The following COG6 variants were observed in gnomAD, a reference collection of about 807,000 sequenced individuals.
COG6 encodes the protein component of oligomeric golgi complex 6.
COG6 carries 74 observed loss-of-function variants against 88.8 expected under a neutral mutation model. The observed-to-expected ratio is 0.83, with a 90% CI of 0.69 to 1.01. COG6 has a LOEUF of 1.01. Among genes scored for constraint, COG6 ranks in the 50% least tolerant of loss-of-function variants. COG6 has a pLI of 0.00. For missense variants in COG6, 800 were observed against 797.9 expected (o/e 1.00, Z -0.03); for synonymous variants, 286 against 278.7 (o/e 1.03, Z -0.26).
At chr13:39,676,806 A>G (rs1016024064) in intron 4 of COG6, among the ~76,000 whole-genome samples, 1 of 152,126 alleles carries the variant, frequency 6.6e-6, no homozygotes, top group Non-Finnish European at 1.5e-5. Flanking sequence ...TTGTGTTCCT[A>G]ACTTGCCTGT....
intron 18 of COG6, among the ~76,000 whole-genome samples, chr13:39,779,390 G>A (rs1881561537): frequency 6.6e-6 from 1 of 152,202 alleles, no homozygotes. Flanking sequence ...AAGCAACGGT[G>A]TTATCTCCAC....
At chr13:39,750,757 A>G (rs1459552534) in intron 18 of COG6, among the ~76,000 whole-genome samples, 189 bp from the exon 19 acceptor site, 2 of 152,326 alleles carry the variant, frequency 1.3e-5, no homozygotes, top group South Asian at 2.1e-4. Context: ...TTAATAAATA[A>G]TGAATACAAA....
intron 13 of COG6, among the ~76,000 whole-genome samples, chr13:39,715,687 G>A (rs528085881): frequency 2.0e-5 from 3 of 152,004 alleles, no homozygotes; most frequent in African/African-American, 7.2e-5. Context: ...TCTATTAAAT[G>A]TATATTTATT....
chr13:39,782,918 C>T (rs1329126744), intron 18 of COG6, among the ~76,000 whole-genome samples: 4 of 152,116 alleles, frequency 2.6e-5, no homozygotes, highest in Non-Finnish European at 5.9e-5. Flanking sequence ...GAGGGAGCTT[C>T]TAGGGTGCTG....
intron 8 of COG6, among the ~76,000 whole-genome samples, chr13:39,686,605 G>C (rs1876653342): frequency 6.6e-6 from 1 of 152,182 alleles, no homozygotes; most frequent in Non-Finnish European, 1.5e-5. Flanking sequence ...TAATATTGGA[G>C]TCAAAATAAG....
At chr13:39,708,540 A>G (rs903133590) in intron 13 of COG6, among the ~76,000 whole-genome samples, 4 of 152,168 alleles carry the variant, frequency 2.6e-5, no homozygotes, top group African/African-American at 9.6e-5. Flanking sequence ...CCTTCAATCC[A>G]TCTCAAATTT....
chr13:39,752,670 C>A (rs1336116536), downstream of COG6: 5 of 1,197,118 alleles, frequency 4.2e-6, no homozygotes, highest in Non-Finnish European at 4.2e-6. Context: ...AGATATATAT[C>A]CTATTGATGT....
At chr13:39,749,091 A>G (rs1002804923) in intron 18 of COG6, among the ~76,000 whole-genome samples, 1 of 152,156 alleles carries the variant, frequency 6.6e-6, no homozygotes, top group African/African-American at 2.4e-5. Flanking sequence ...TATTACTGCT[A>G]TAACTATTAC....
intron 18 of COG6, among the ~76,000 whole-genome samples, chr13:39,780,844 C>T (rs1032786495): frequency 1.3e-5 from 2 of 152,230 alleles, no homozygotes; most frequent in East Asian, 1.9e-4. Context: ...AAAATCTGCA[C>T]GAGGAAAGGC....
At chr13:39,762,045 G>A (rs1202901547) in intron 18 of COG6, among the ~76,000 whole-genome samples, 2 of 151,760 alleles carry the variant, frequency 1.3e-5, no homozygotes, top group Non-Finnish European at 3.0e-5. Context: ...ATATGTTGAA[G>A]AGACATTTTA....
At chr13:39,670,501 T>C (rs1169237235) in intron 4 of COG6, among the ~76,000 whole-genome samples, 1 of 152,060 alleles carries the variant, frequency 6.6e-6, no homozygotes, top group Non-Finnish European at 1.5e-5. Flanking sequence ...TTTGATTTTG[T>C]ACAGTTATTT....
chr13:39,739,126 A>G (rs1368962627), intron 18 of COG6, among the ~76,000 whole-genome samples: 3 of 152,150 alleles, frequency 2.0e-5, no homozygotes, highest in Non-Finnish European at 4.4e-5. Context: ...AGAATGAGCA[A>G]AAAAGGAAAT....
At chr13:39,664,286 T>A (rs1875103747) in intron 3 of COG6, among the ~76,000 whole-genome samples, 1 of 152,252 alleles carries the variant, frequency 6.6e-6, no homozygotes, top group African/African-American at 2.4e-5. Flanking sequence ...TCCACTTTAC[T>A]AATGACTTAA....
chr13:39,678,216 C>G (rs1220667135), intron 5 of COG6: 2 of 333,134 alleles, frequency 6.0e-6, no homozygotes, highest in Non-Finnish European at 1.1e-5. Context: ...TCCAGGCATG[C>G]ACCACCACTC....
At chr13:39,727,932 C>A (rs1879225669) in intron 18 of COG6, among the ~76,000 whole-genome samples, 1 of 152,014 alleles carries the variant, frequency 6.6e-6, no homozygotes, top group African/African-American at 2.4e-5. Flanking sequence ...TATTTTGAAT[C>A]TAAGGTAGTG....
intron 18 of COG6, among the ~76,000 whole-genome samples, chr13:39,773,115 A>G (rs1042853150): frequency 6.6e-6 from 1 of 151,484 alleles, no homozygotes; most frequent in African/African-American, 2.4e-5. Context: ...ATCCACCCCC[A>G]CTCCTCTTAC....
chr13:39,699,411 A>G lies in COG6; in HGVS notation c.1167-90A>G. 6 of 664,712 alleles carry G rather than the reference A, an allele frequency of 9.0e-6. No homozygotes were observed. The South Asian group carries it at 1.1e-4, about 12-fold the overall frequency. The allele number at this position is 664,712 out of a possible 1,614,324, so 41.2% of individuals were successfully genotyped here. ...TATTTTACATAAAAACTTTTATTTAAATCTAGATCCTTTTAAAGCATTCTA... is the reference window on the plus strand; with the variant it reads ...TATTTTACATAAAAACTTTTATTTAGATCTAGATCCTTTTAAAGCATTCTA... On this transcript the variant is annotated intron_variant, in intron 12 of 18. Transcript: ENST00000455146.
At chr13:39,780,083 A>G (rs974879908) in intron 18 of COG6, among the ~76,000 whole-genome samples, 40 of 152,238 alleles carry the variant, frequency 2.6e-4, no homozygotes, top group Non-Finnish European at 3.8e-4. Flanking sequence ...TTCCAAGAAC[A>G]TGTGTCAGGA....
chr13:39,677,516 G>C lies in COG6; in HGVS notation c.477G>C (p.Lys159Asn). 6.2e-7 allele frequency: 1 copy of C among 1,613,542 alleles called. No homozygotes were observed. The highest frequency in any genetic ancestry group is 8.5e-7 in the Non-Finnish European group (1 of 1,179,670). Residue 159 changes from lysine (K) to asparagine (N), a missense_variant, in exon 5 of 19, where the codon AAG (lysine) becomes AAC (asparagine). By Grantham distance (94) the Lys-to-Asn change is moderately conservative (BLOSUM62 0). Transcript: ENST00000455146. ...AAGTTGCAGATGCCTTCTTATCCAA[G>C]TTCCAACTGACTTCTGATGAAATGA... Reference protein sequence around the residue: ...RAQVADAFLSKFQLTSDEMSL... With the variant: ...RAQVADAFLSNFQLTSDEMSL...
Sources: gnomAD v4.1 joint callset for allele counts (sites outside exome capture counted in the v4.1 genomes callset) on GRCh38, gnomAD v4.1.1 for gene constraint, MANE v1.5 for transcripts, NCBI Gene and HGNC (gene_info 2026-07-23, HGNC 2026-07-21) for gene names.